The following ZNF57 variants were observed in gnomAD, a reference collection of about 807,000 sequenced individuals.
ZNF57 encodes zinc finger protein 57.
A neutral mutation model predicts 13.4 loss-of-function variants in ZNF57; 11 were observed. The observed-to-expected ratio is 0.82, with a 90% confidence interval of 0.52 to 1.36. The LOEUF is 1.36. Ranked by LOEUF, ZNF57 falls within the 40% of genes most tolerant of loss-of-function variation. The pLI is 0.00. For missense variants in ZNF57, 696 were observed against 667.5 expected, an observed-to-expected ratio of 1.04 and a Z score of -0.47; for synonymous variants, 224 against 238.5, an observed-to-expected ratio of 0.94 and a Z score of 0.56.
At chr19:2,908,380 T>A (rs560562208) in intron 1 of ZNF57, among the ~76,000 whole-genome samples, 301 of 152,196 alleles carry the variant, frequency 2.0e-3, no homozygotes, top group African/African-American at 7.0e-3. Context: ...ATTCTTTATG[T>A]TTTTTAAAAA....
Position 2,916,986 on chromosome 19 carries a change from A to C in ZNF57, c.365A>C (p.His122Pro), listed in dbSNP as rs758235985. The part of the protein sequence containing the change: ...NEGNQYGEAI[H>P]QMPDLTLHKK... The stretch of plus-strand genomic sequence containing the variant: ...GGTAATCAATATGGAGAAGCCATCC[A>C]TCAAATGCCAGATCTTACCCTGCAC... Residue 122 changes from histidine (H) to proline (P), a missense_variant, in exon 4 of 4, where the codon CAT becomes CCT. Around this residue, in one of 3 missense-constraint regions of ZNF57, gnomAD observed 645 missense variants for 591.5 expected, o/e 1.09. Transcript: ENST00000306908. 1 of 1,613,708 alleles carries C rather than the reference A, an allele frequency of 6.2e-7. No individual in the cohort carries two copies. Among genetic ancestry groups the C allele is most frequent in the South Asian group, 1.1e-5 (1 of 91,008 alleles).
intron 1 of ZNF57, among the ~76,000 whole-genome samples, chr19:2,906,862 G>A (rs1005720569): frequency 3.9e-5 from 6 of 152,286 alleles, no homozygotes; most frequent in Admixed American, 2.0e-4. Flanking sequence ...GGGCAGCTCC[G>A]GGCAGAGAGG....
chr19:2,909,275 ATT>A (rs1258331033), intron 1 of ZNF57, among the ~76,000 whole-genome samples: 1 of 103,794 alleles, frequency 9.6e-6, no homozygotes, highest in Non-Finnish European at 2.0e-5. Flanking sequence ...TATTTTATTT[ATT>A]TTTGTTTTTT....
At chr19:2,907,380 G>A (rs1022566586) in intron 1 of ZNF57, among the ~76,000 whole-genome samples, 10 of 152,058 alleles carry the variant, frequency 6.6e-5, no homozygotes, top group Non-Finnish European at 1.5e-5. Flanking sequence ...GCCTGTCCCC[G>A]TGCCTGGCTC....
intron 1 of ZNF57, 107 bp downstream of exon 1, chr19:2,901,155 G>T: frequency 7.1e-7 from 1 of 1,406,212 alleles, no homozygotes; most frequent in South Asian, 1.4e-5. Flanking sequence ...GGGACGCGCG[G>T]GGCGGCGCAG....
chr19:2,917,492 T>C lies in ZNF57; in HGVS notation c.871T>C (p.Tyr291His). 1.2e-6 allele frequency: 2 copies of C among 1,613,728 alleles called. No homozygotes were observed. Among genetic ancestry groups the C allele is most frequent in the Non-Finnish European group, 8.5e-7 (1 of 1,179,824 alleles). ...KCQHCGKAFT[Y>H]PQAFQRHEKT... is the part of the protein sequence containing the mutation. ...TCAGCACTGTGGGAAAGCCTTCACT[T>C]ACCCCCAGGCTTTTCAAAGACATGA... is the stretch of plus-strand genomic sequence containing the variant. The change falls in exon 4 of 4, where the codon TAC becomes CAC. Residue 291 changes from tyrosine to histidine, a missense_variant. Around this residue, in one of 3 missense-constraint regions of ZNF57, gnomAD observed 645 missense variants for 591.5 expected, o/e 1.09. Coordinates refer to ENST00000306908, the MANE Select transcript of ZNF57 (RefSeq NM_173480.3).
rs760820293 is a variant in ZNF57, at chr19:2,917,991, T to C, written c.1370T>C (p.Phe457Ser). 1.2e-6 allele frequency: 2 copies of C among 1,613,690 alleles called. No individual in the cohort carries two copies. Among genetic ancestry groups the C allele is most frequent in the East Asian group, 2.2e-5 (1 of 44,854 alleles). The change falls in exon 4 of 4, where the codon TTT becomes TCT. Residue 457 changes from phenylalanine (F) to serine (S), a missense_variant. Transcript: ENST00000306908. ...AAATGTGAACACTGTGGGAAGGCCTTTACCTCTTCCAGAGCATTCCAAGGT... is the reference window on the plus strand; with the variant it reads ...AAATGTGAACACTGTGGGAAGGCCTCTACCTCTTCCAGAGCATTCCAAGGT... ...LHKCEHCGKA[F>S]TSSRAFQGHL...
At position 2,905,911 on chromosome 19, in the gene ZNF57, A is replaced by C. The variant is rs1599596604; in HGVS notation, c.3+4863A>C. Among the ~76,000 whole-genome samples, 3 of 152,154 alleles carry C rather than the reference A, an allele frequency of 2.0e-5. No individual in the cohort carries two copies. The East Asian group carries it at 5.8e-4, about 29-fold the overall frequency. ...AAAAAATGAGGCTGGTTTTGGATGT[A>C]ATGGAATTGTATTCAAACCCCAGAT... On this transcript the variant is annotated intron_variant, in intron 1 of 3. Coordinates refer to ENST00000306908, the MANE Select transcript of ZNF57 (RefSeq NM_173480.3).
chr19:2,916,371 A>T (rs1369868424), intron 3 of ZNF57, 122 bp downstream of exon 3: 20 of 911,252 alleles, frequency 2.2e-5, no homozygotes, highest in Non-Finnish European at 2.9e-5. Flanking sequence ...AAAAAAAAAA[A>T]TTTGTATTTG....
In ZNF57 at chr19:2,910,627, A is replaced by G. The variant is rs1273854263; in HGVS notation, c.4-4895A>G. Among the ~76,000 whole-genome samples the G allele has an allele frequency of 8.0e-5, 9 of 112,854 alleles. 3 individuals are homozygous for G. In the Admixed American group the frequency reaches 8.4e-4, roughly 11 times the overall value. 74.0% of individuals were successfully genotyped at this position (112,854 alleles called of 152,430 possible). A position where few individuals can be genotyped will look rare whatever the true frequency, so the allele number is the denominator to read the frequency against. On this transcript the variant is annotated intron_variant, in intron 1 of 3. Transcript: ENST00000306908. ...AGGTACTCCCCGCCATGCCCAGCTA[A>G]TTTTTTGTATTTTTAGTAGAGACAG...
intron 1 of ZNF57, 160 bp from the exon 2 acceptor site, chr19:2,915,362 T>C (rs2088181039): frequency 1.1e-6 from 1 of 929,702 alleles, no homozygotes; most frequent in Admixed American, 2.9e-5. Context: ...CCATGAAGTT[T>C]ACTAGGAAGT....
At chr19:2,906,184 C>T (rs2144921064) in intron 1 of ZNF57, among the ~76,000 whole-genome samples, 1 of 152,300 alleles carries the variant, frequency 6.6e-6, no homozygotes, top group African/African-American at 2.4e-5. Context: ...TCCTGAGTAG[C>T]TGGGACTGCA....
At chr19:2,903,337 G>A (rs1402142699) in intron 1 of ZNF57, among the ~76,000 whole-genome samples, 1 of 151,898 alleles carries the variant, frequency 6.6e-6, no homozygotes, top group African/African-American at 2.4e-5. Flanking sequence ...TCAGCCTCCC[G>A]AGTAGCTGGG....
In ZNF57 at chr19:2,918,125, A is replaced by G. The variant is rs758750556; in HGVS notation, c.1504A>G (p.Lys502Glu). 1.2e-6 allele frequency: 2 copies of G among 1,614,200 alleles called. No individual in the cohort carries two copies. The highest frequency in any genetic ancestry group is 1.1e-5 in the South Asian group (1 of 91,074). Reference sequence around the variant, plus strand: ...TCATGTGAGGATGCACACTGGAGAGAAACCTCACAAATGTAAACAATGTGG... The same window carrying G: ...TCATGTGAGGATGCACACTGGAGAGGAACCTCACAAATGTAAACAATGTGG... ...HNHVRMHTGE[K>E]PHKCKQCGMS... is the part of the protein sequence containing the mutation. The change falls in exon 4 of 4, where the codon AAA becomes GAA. Residue 502 changes from lysine to glutamate, a missense_variant. By Grantham distance (56) the Lys-to-Glu change is moderately conservative. Transcript: ENST00000306908.
rs1379400091 is a variant in ZNF57, at chr19:2,916,122, G to T, written c.175G>T (p.Asp59Tyr). 1 of 1,613,714 alleles carries T rather than the reference G, an allele frequency of 6.2e-7. No individual in the cohort carries two copies. Among genetic ancestry groups the T allele is most frequent in the Non-Finnish European group, 8.5e-7 (1 of 1,179,934 alleles). ...AGCCAATGGGTCAGTTTCTCTGCAG[G>T]ATATGTACGGGCAAGAAAAATCTAA... is the stretch of plus-strand genomic sequence containing the variant. ...FKANGSVSLQ[D>Y]MYGQEKSKEQ... The change falls in exon 3 of 4, where the codon GAT becomes TAT. Residue 59 changes from aspartate (D) to tyrosine (Y), a missense_variant. Around this residue, in one of 3 missense-constraint regions of ZNF57, gnomAD observed 8 missense variants for 22.4 expected, o/e 0.36. Coordinates refer to ENST00000306908, the MANE Select transcript of ZNF57 (RefSeq NM_173480.3).
intron 1 of ZNF57, among the ~76,000 whole-genome samples, chr19:2,909,429 C>A (rs1217034072): frequency 1.7e-5 from 1 of 58,986 alleles, no homozygotes; most frequent in Non-Finnish European, 4.7e-5. Context: ...TACAGGCGCC[C>A]GACACCACGC....
chr19:2,912,384 A>G (rs761909701), intron 1 of ZNF57: 1 of 152,208 alleles, frequency 6.6e-6, no homozygotes, highest in Admixed American at 6.5e-5. Flanking sequence ...CTTCTCCTCT[A>G]CAAGACTGGG....
chr19:2,912,121 T>A (rs956200658), intron 1 of ZNF57: 2 of 152,188 alleles, frequency 1.3e-5, no homozygotes, highest in African/African-American at 4.8e-5. Flanking sequence ...CCCTGATCCT[T>A]TGATGACGTC....
Position 2,918,045 on chromosome 19 carries a change from C to A in ZNF57, c.1424C>A (p.Pro475His). The A allele has an allele frequency of 6.2e-7, 1 of 1,614,172 alleles. No individual in the cohort carries two copies. The highest frequency in any genetic ancestry group is 8.5e-7 in the Non-Finnish European group (1 of 1,180,028). Residue 475 changes from proline (P) to histidine (H), a missense_variant, in exon 4 of 4, where the codon CCT becomes CAT. Physicochemically the swap from Pro to His is moderately conservative, Grantham distance 77. Transcript: ENST00000306908. ...TTGAGGATGCACACTGGAGAGAAGC[C>A]TTATGAGTGTAAACAATGTGGAAAA... ...GHLRMHTGEK[P>H]YECKQCGKTF...
Sources: gnomAD v4.1 joint callset for allele counts (sites outside exome capture counted in the v4.1 genomes callset) on GRCh38, gnomAD v4.1.1 for gene constraint, gnomAD v4.1.1 regional missense constraint, MANE v1.5 for transcripts, NCBI Gene and HGNC (gene_info 2026-07-23, HGNC 2026-07-21) for gene names.